Variants in DDX10 observed in about 807,000 individuals in gnomAD.
DDX10 encodes probable ATP-dependent RNA helicase DDX10.
DDX10 carries 74 observed loss-of-function variants against 104.3 expected under a neutral mutation model. The observed-to-expected ratio is 0.71, with a 90% CI of 0.59 to 0.86. DDX10 has a LOEUF of 0.86. Ranked by LOEUF, DDX10 falls within the 40% of genes least tolerant of loss-of-function variation. The pLI is 0.00. For missense variants in DDX10, 952 were observed against 1,040.0 expected (o/e 0.92, Z 1.16); for synonymous variants, 351 against 353.4 (o/e 0.99, Z 0.08).
At chr11:108,919,955 A>T (rs1244607641) in intron 17 of DDX10, 46 of 149,742 alleles carry the variant, frequency 3.1e-4, no homozygotes, top group Admixed American at 2.7e-4. Flanking sequence ...TTGTCCTTAC[A>T]TTTTTTTTTT....
chr11:108,891,649 C>T lies in DDX10; in HGVS notation c.2305-26224C>T, dbSNP rs987824911. On this transcript the variant is annotated intron_variant, in intron 16 of 17. Coordinates refer to ENST00000322536, the MANE Select transcript of DDX10 (RefSeq NM_004398.4). Reference sequence around the variant, plus strand: ...CAGTCCCCACCATAATGCCGTTACTCTTGACATTATATTACATATTGTGGT... The same window carrying T: ...CAGTCCCCACCATAATGCCGTTACTTTTGACATTATATTACATATTGTGGT... 2.0e-5 allele frequency among the ~76,000 whole-genome samples: 3 copies of T among 152,140 alleles called. 1 individual carries two copies. Among genetic ancestry groups the T allele is most frequent in the Admixed American group, 2.0e-4 (3 of 15,272 alleles).
chr11:108,779,272 G>C (rs1000949120), intron 13 of DDX10, among the ~76,000 whole-genome samples: 1 of 152,134 alleles, frequency 6.6e-6, no homozygotes, highest in Non-Finnish European at 1.5e-5. Context: ...CAATAGCAAA[G>C]ACTTGGACCC....
chr11:108,712,528 T>A (rs755056217), intron 10 of DDX10, among the ~76,000 whole-genome samples: 17 of 152,132 alleles, frequency 1.1e-4, no homozygotes, highest in Non-Finnish European at 2.4e-4. Context: ...AATAATGACA[T>A]AATGCTACAG....
At chr11:108,716,097 A>G in intron 11 of DDX10, 131 bp downstream of exon 11, 2 of 653,004 alleles carry the variant, frequency 3.1e-6, no homozygotes, top group Non-Finnish European at 5.5e-6. Context: ...AGATAAGTCT[A>G]GCTTATTTTT....
chr11:108,739,929 T>TTTG (rs1207634999), intron 13 of DDX10, among the ~76,000 whole-genome samples: 6 of 152,028 alleles, frequency 3.9e-5, no homozygotes, highest in Admixed American at 2.0e-4. Context: ...ATTTTAGGGT[T>TTTG]TTGTTGTTGT....
chr11:108,853,570 G>T (rs750849612), intron 16 of DDX10, among the ~76,000 whole-genome samples: 29 of 151,778 alleles, frequency 1.9e-4, no homozygotes, highest in South Asian at 2.1e-4. Context: ...TAAGCTGTAA[G>T]AAGTTGCTAT....
intron 16 of DDX10, among the ~76,000 whole-genome samples, chr11:108,856,446 ACAAAAAAAACCAC>A (rs1158396066): frequency 6.6e-6 from 1 of 151,936 alleles, no homozygotes; most frequent in Non-Finnish European, 1.5e-5. Context: ...AAACAAACAA[ACAAAAAAAACCAC>A]CAAAAAAAAC....
chr11:108,822,676 C>A, intron 13 of DDX10: 1 of 155,042 alleles, frequency 6.4e-6, no homozygotes. Flanking sequence ...ATCACTGGTG[C>A]TACGAAGGTT....
chr11:108,937,378 T>C (rs891027508), intron 17 of DDX10, among the ~76,000 whole-genome samples: 2 of 152,180 alleles, frequency 1.3e-5, no homozygotes, highest in African/African-American at 4.8e-5. Context: ...TATTAAAAAA[T>C]CGGTTCAATT....
intron 16 of DDX10, among the ~76,000 whole-genome samples, chr11:108,893,456 T>C (rs1030393590): frequency 1.3e-5 from 2 of 152,164 alleles, no homozygotes; most frequent in African/African-American, 4.8e-5. Context: ...ATGTTTTCAT[T>C]CATTAAATAT....
intron 10 of DDX10, among the ~76,000 whole-genome samples, 170 bp from the exon 11 acceptor site, chr11:108,715,709 A>G (rs1197835651): frequency 2.6e-5 from 4 of 152,196 alleles, no homozygotes; most frequent in Non-Finnish European, 5.9e-5. Context: ...TATTCATAGT[A>G]GGTAAGAGTG....
chr11:108,745,855 G>A (rs2094331263), intron 13 of DDX10, among the ~76,000 whole-genome samples: 1 of 152,144 alleles, frequency 6.6e-6, no homozygotes, highest in African/African-American at 2.4e-5. Flanking sequence ...AGTGCATCAT[G>A]TTATTCCATT....
chr11:108,665,358 AG>A lies in DDX10; in HGVS notation c.186+24del. On this transcript the variant is annotated intron_variant, in intron 1 of 17. Coordinates refer to ENST00000322536, the MANE Select transcript of DDX10 (RefSeq NM_004398.4). The stretch of plus-strand genomic sequence containing the variant: ...TGAAAAGGTGAGGCCGGCGCTGGGG[AG>A]GGGGCTCGGGCCGGCCAGCAGCGGG... The A allele has an allele frequency of 6.5e-7, 1 of 1,550,204 alleles. No homozygotes were observed. Among genetic ancestry groups the A allele is most frequent in the Non-Finnish European group, 8.7e-7 (1 of 1,146,976 alleles).
At chr11:108,808,702 C>T (rs1381773882) in intron 13 of DDX10, among the ~76,000 whole-genome samples, 1 of 152,084 alleles carries the variant, frequency 6.6e-6, no homozygotes, top group East Asian at 1.9e-4. Flanking sequence ...TCTACCCAGC[C>T]AGCCATCCTG....
At position 108,881,084 on chromosome 11, in the gene DDX10, C is replaced by T. The variant is rs1284015430; in HGVS notation, c.2304+28875C>T. Among the ~76,000 whole-genome samples the T allele has an allele frequency of 9.2e-5, 14 of 152,076 alleles. No individual in the cohort carries two copies. In the South Asian group the frequency reaches 2.7e-3, roughly 29 times the overall value. On this transcript the variant is annotated intron_variant, in intron 16 of 17. Transcript: ENST00000322536. The stretch of plus-strand genomic sequence containing the variant: ...ATCATTTTTAAAATACTCTTTAAAC[C>T]GTTTCTTAATGCGTCACATGCATTG...
chr11:108,861,304 A>G (rs2134614164), intron 16 of DDX10, among the ~76,000 whole-genome samples: 1 of 152,162 alleles, frequency 6.6e-6, no homozygotes, highest in African/African-American at 2.4e-5. Context: ...GACCATTATT[A>G]AAGTCTCACA....
At chr11:108,906,321 A>T (rs1863596162) in intron 16 of DDX10, among the ~76,000 whole-genome samples, 1 of 152,150 alleles carries the variant, frequency 6.6e-6, no homozygotes, top group Admixed American at 6.5e-5. Flanking sequence ...AATATTTCAC[A>T]TTTCTGCTTA....
At chr11:108,724,023 A>AGGAGTTT (rs2094302142) in intron 13 of DDX10, among the ~76,000 whole-genome samples, 2 of 152,082 alleles carry the variant, frequency 1.3e-5, no homozygotes, top group Non-Finnish European at 2.9e-5. Flanking sequence ...AAAAGAAATA[A>AGGAGTTT]TCCATTTAGA....
chr11:108,836,188 A>G (rs775986355), intron 13 of DDX10, among the ~76,000 whole-genome samples: 1 of 152,216 alleles, frequency 6.6e-6, no homozygotes, highest in Admixed American at 6.5e-5. Context: ...CATTAGCTTT[A>G]TATGGGTTGG....
Sources: allele counts gnomAD v4.1 joint callset (sites outside exome capture counted in the v4.1 genomes callset), GRCh38; gene constraint gnomAD v4.1.1; transcripts MANE v1.5; gene names NCBI Gene and HGNC (gene_info 2026-07-23, HGNC 2026-07-21).